The following KCNH1 variants were observed in gnomAD, a reference collection of about 807,000 sequenced individuals.
KCNH1 encodes voltage-gated delayed rectifier potassium channel KCNH1.
A neutral mutation model predicts 69.2 loss-of-function variants in KCNH1; 27 were observed. That is an observed-to-expected ratio of 0.39 (90% CI 0.29 to 0.54). KCNH1 has a LOEUF of 0.54. KCNH1 is among the 20% of genes least tolerant of loss of function. KCNH1 has a pLI of 0.68. For missense variants in KCNH1, 798 were observed against 1,261.6 expected, an observed-to-expected ratio of 0.63 and a Z score of 5.57; for synonymous variants, 456 against 487.7, an observed-to-expected ratio of 0.93 and a Z score of 0.86.
intron 6 of KCNH1, among the ~76,000 whole-genome samples, chr1:210,976,839 C>T (rs1304291788): frequency 6.7e-6 from 1 of 148,338 alleles, no homozygotes; most frequent in East Asian, 2.0e-4. Context: ...GAAATAGGAA[C>T]ACTTTTACAC....
chr1:211,106,150 GA>G (rs1691343495), intron 2 of KCNH1, among the ~76,000 whole-genome samples: 1 of 152,180 alleles, frequency 6.6e-6, no homozygotes, highest in South Asian at 2.1e-4. Flanking sequence ...GATTTGGCAT[GA>G]ATGATTCCAC....
chr1:210,695,042 T>A (rs1681608552), intron 10 of KCNH1, among the ~76,000 whole-genome samples: 1 of 152,134 alleles, frequency 6.6e-6, no homozygotes, highest in Non-Finnish European at 1.5e-5. Context: ...CTCCTTGGAG[T>A]CTGGATGGTG....
Position 210,680,138 on chromosome 1 carries a change from C to T in KCNH1, c.*3143G>A, listed in dbSNP as rs1681227994. 6.6e-6 allele frequency: 1 copy of T among 152,182 alleles called. No homozygotes were observed. The highest frequency in any genetic ancestry group is 1.5e-5 in the Non-Finnish European group (1 of 68,072). 9.4% of individuals were successfully genotyped at this position (152,182 alleles called of 1,614,324 possible). ...GCCCCCCCACCAAGAACAAACACCA[C>T]CTCATTGACCATCTTAGTTCTTAGA... On this transcript the variant is annotated 3_prime_UTR_variant, in exon 11 of 11. Coordinates refer to ENST00000271751, the MANE Select transcript of KCNH1 (RefSeq NM_172362.3).
intron 7 of KCNH1, among the ~76,000 whole-genome samples, chr1:210,905,895 G>A (rs1687092693): frequency 6.6e-6 from 1 of 152,206 alleles, no homozygotes; most frequent in Non-Finnish European, 1.5e-5. Flanking sequence ...GCTCAAAGCA[G>A]TATAACAATA....
intron 5 of KCNH1, among the ~76,000 whole-genome samples, chr1:211,050,260 TAAAAAAAAAAAA>T (rs747498526): frequency 0.44 from 25,857 of 59,060 alleles, 4,065 homozygotes; most frequent in Middle Eastern, 0.53. Flanking sequence ...CACACATTCT[TAAAAAAAAAAAA>T]AAAAAAAAAA....
chr1:210,859,313 G>T, intron 7 of KCNH1: 2 of 1,531,982 alleles, frequency 1.3e-6, no homozygotes, highest in South Asian at 1.1e-5. Context: ...TACTGTGTCT[G>T]TAACTGTTTT....
At position 210,991,531 on chromosome 1, in the gene KCNH1, C is replaced by T. The variant is rs533073695; in HGVS notation, c.1032+27252G>A. 3.3e-5 allele frequency among the ~76,000 whole-genome samples: 5 copies of T among 151,704 alleles called. No individual in the cohort carries two copies. The South Asian group carries it at 1.0e-3, about 32-fold the overall frequency. On this transcript the variant is annotated intron_variant, in intron 6 of 10. Coordinates refer to ENST00000271751, the MANE Select transcript of KCNH1 (RefSeq NM_172362.3). The stretch of plus-strand genomic sequence containing the variant: ...GACAGGAGGAATAAGTTTTAGTGAT[C>T]TATTGCTCAACATGGTGACCATAGT...
At chr1:210,699,393 G>T (rs1305063971) in intron 10 of KCNH1, among the ~76,000 whole-genome samples, 1 of 152,212 alleles carries the variant, frequency 6.6e-6, no homozygotes, top group Non-Finnish European at 1.5e-5. Flanking sequence ...AGAAAGACTG[G>T]CAGGGGAATA....
At chr1:210,996,664 C>G (rs528452324) in intron 6 of KCNH1, among the ~76,000 whole-genome samples, 1 of 152,344 alleles carries the variant, frequency 6.6e-6, no homozygotes, top group Non-Finnish European at 1.5e-5. Flanking sequence ...AGCTGGAGAT[C>G]TGAGAACTGG....
At chr1:210,686,526 TAGAG>T (rs753631097) in intron 10 of KCNH1, among the ~76,000 whole-genome samples, 16 of 151,978 alleles carry the variant, frequency 1.1e-4, no homozygotes, top group Non-Finnish European at 2.1e-4. Flanking sequence ...CATGCCTTCT[TAGAG>T]AGGAGAGGAG....
At chr1:211,032,750 C>G (rs140157810) in intron 5 of KCNH1, among the ~76,000 whole-genome samples, 2 of 152,116 alleles carry the variant, frequency 1.3e-5, no homozygotes, top group Non-Finnish European at 2.9e-5. Context: ...ACACCTTATA[C>G]GAACATTAAT....
At chr1:211,047,021 T>C (rs1237944007) in intron 5 of KCNH1, among the ~76,000 whole-genome samples, 3 of 152,236 alleles carry the variant, frequency 2.0e-5, no homozygotes, top group Non-Finnish European at 4.4e-5. Flanking sequence ...TAATTTAATG[T>C]AATATATCTA....
chr1:210,981,421 A>G (rs1300075147), intron 6 of KCNH1, among the ~76,000 whole-genome samples: 1 of 150,568 alleles, frequency 6.6e-6, no homozygotes, highest in Non-Finnish European at 1.5e-5. Context: ...CCATGGCTAT[A>G]TGAAGAAAAT....
At chr1:210,773,095 T>C (rs1311854531) in intron 10 of KCNH1, among the ~76,000 whole-genome samples, 1 of 152,206 alleles carries the variant, frequency 6.6e-6, no homozygotes, top group Non-Finnish European at 1.5e-5. Context: ...CTGATTATAA[T>C]CAACTTGCTT....
At chr1:210,709,718 AAAGAAGAGAG>A (rs1261476951) in intron 10 of KCNH1, among the ~76,000 whole-genome samples, 1 of 135,356 alleles carries the variant, frequency 7.4e-6, no homozygotes, top group African/African-American at 2.8e-5. Context: ...AGAAAGAAAG[AAAGAAGAGAG>A]AGAGAGAGAG....
intron 5 of KCNH1, among the ~76,000 whole-genome samples, chr1:211,070,343 G>A (rs960173721): frequency 6.6e-5 from 10 of 151,390 alleles, no homozygotes; most frequent in Non-Finnish European, 1.5e-4. Context: ...GCGTGAGCCC[G>A]GGAGGTGGAG....
chr1:211,011,329 AGTATTCCATGGT>A (rs1346532808), intron 6 of KCNH1, among the ~76,000 whole-genome samples: 1 of 152,184 alleles, frequency 6.6e-6, no homozygotes. Flanking sequence ...ATGGCTGCAT[AGTATTCCATGGT>A]GTATATGTGC....
intron 6 of KCNH1, among the ~76,000 whole-genome samples, chr1:210,942,552 G>C (rs1282914358): frequency 6.6e-6 from 1 of 152,100 alleles, no homozygotes; most frequent in African/African-American, 2.4e-5. Flanking sequence ...ACAGTAAAGA[G>C]AAGAATCTGA....
rs139899876 is a variant in KCNH1, at chr1:210,907,790, T to C, written c.1462+11850A>G. On this transcript the variant is annotated intron_variant, in intron 7 of 10. Transcript: ENST00000271751. ...GAAATGATGTGGTATGTGTCAGTAG[T>C]GGCCAGGGAAGGAGAGCAGATGCTA... is the stretch of plus-strand genomic sequence containing the variant. Among the ~76,000 whole-genome samples, 13 of 152,226 alleles carry C rather than the reference T, an allele frequency of 8.5e-5. No homozygotes were observed. In the East Asian group the frequency reaches 2.3e-3, roughly 27 times the overall value.
Sources: gnomAD v4.1 joint callset for allele counts (sites outside exome capture counted in the v4.1 genomes callset) on GRCh38, gnomAD v4.1.1 for gene constraint, MANE v1.5 for transcripts, NCBI Gene and HGNC (gene_info 2026-07-23, HGNC 2026-07-21) for gene names.